ZNRF1: variants seen among roughly 807,000 people sequenced by gnomAD.
ZNRF1 encodes E3 ubiquitin-protein ligase ZNRF1.
ZNRF1 carries 3 observed loss-of-function variants against 18.4 expected under a neutral mutation model. The ratio of observed to expected loss-of-function variants is 0.16; its 90% CI spans 0.07 to 0.42. ZNRF1 has a LOEUF of 0.42. Ranked by LOEUF, ZNRF1 falls within the 10% of genes least tolerant of loss-of-function variation. The pLI is 0.99. For synonymous variants in ZNRF1, 157 were observed against 144.2 expected, an observed-to-expected ratio of 1.09 and a Z score of -0.64; for missense variants, 310 against 329.8, an observed-to-expected ratio of 0.94 and a Z score of 0.47.
In ZNRF1 at chr16:75,110,416, G is replaced by C. The variant is rs138197750; in HGVS notation, c.*2716G>C. 3.6e-3 allele frequency: 556 copies of C among 152,344 alleles called. 6 individuals carry two copies. The highest frequency in any genetic ancestry group is 0.013 in the African/African-American group (526 of 41,570). 9.4% of individuals were successfully genotyped at this position (152,344 alleles called of 1,614,324 possible). ...CCTAGCACACTTTGATGAGGTTCCT[G>C]GACGTGAGACCCTCACAAAGACCAA... On this transcript the variant is annotated 3_prime_UTR_variant, in exon 5 of 5. Transcript: ENST00000335325.
chr16:75,024,443 G>A (rs1474879263), intron 1 of ZNRF1, among the ~76,000 whole-genome samples: 1 of 152,190 alleles, frequency 6.6e-6, no homozygotes, highest in East Asian at 1.9e-4. Flanking sequence ...ATATACACAT[G>A]AAGAAGTACA....
At chr16:75,028,973 G>A (rs562925789) in intron 1 of ZNRF1, among the ~76,000 whole-genome samples, 46 of 151,986 alleles carry the variant, frequency 3.0e-4, no homozygotes, top group Admixed American at 1.0e-3. Flanking sequence ...CTTAGTCCTT[G>A]AACCAACTCT....
At chr16:75,081,363 A>G (rs2036010141) in intron 1 of ZNRF1, among the ~76,000 whole-genome samples, 1 of 152,174 alleles carries the variant, frequency 6.6e-6, no homozygotes, top group African/African-American at 2.4e-5. Flanking sequence ...AGGTGGAGGA[A>G]GTGACACTTT....
At chr16:75,100,937 T>C (rs754608755) in intron 2 of ZNRF1, among the ~76,000 whole-genome samples, 4 of 152,084 alleles carry the variant, frequency 2.6e-5, no homozygotes, top group Non-Finnish European at 4.4e-5. Flanking sequence ...CACAGCAAAG[T>C]TTTTATGTTT....
chr16:75,102,612 G>A (rs1227351172), intron 2 of ZNRF1, among the ~76,000 whole-genome samples: 1 of 152,012 alleles, frequency 6.6e-6, no homozygotes, highest in Non-Finnish European at 1.5e-5. Context: ...TATTCATGTC[G>A]GCCTGGGTTT....
intron 1 of ZNRF1, among the ~76,000 whole-genome samples, chr16:75,063,232 G>A (rs1567483280): frequency 6.6e-6 from 1 of 152,182 alleles, no homozygotes; most frequent in African/African-American, 2.4e-5. Flanking sequence ...AGCAAGCTGG[G>A]CGCTCACAGC....
chr16:75,045,759 A>G (rs1290502605), intron 1 of ZNRF1, among the ~76,000 whole-genome samples: 1 of 144,344 alleles, frequency 6.9e-6, no homozygotes, highest in East Asian at 2.0e-4. Context: ...TAATTCACCC[A>G]GGCTGGAGTG....
chr16:75,096,874 C>T (rs892336892), intron 2 of ZNRF1, among the ~76,000 whole-genome samples: 12 of 152,032 alleles, frequency 7.9e-5, no homozygotes, highest in African/African-American at 7.2e-5. Flanking sequence ...TTAGGAAAGG[C>T]GAGACTAGTT....
Position 75,057,050 on chromosome 16 carries a change from A to T in ZNRF1, c.425-36522A>T, listed in dbSNP as rs539361226. ...ATTACAGATTTAGAGTCTTGTTTTG[A>T]TGGACATTTCTCCATACAGAGTACC... On this transcript the variant is annotated intron_variant, in intron 1 of 4. Coordinates refer to ENST00000335325, the MANE Select transcript of ZNRF1 (RefSeq NM_032268.5). Among the ~76,000 whole-genome samples the T allele has an allele frequency of 7.2e-4, 110 of 152,222 alleles. 2 individuals are homozygous for T. The South Asian group carries it at 8.7e-3, about 12-fold the overall frequency.
At chr16:75,032,273 C>A (rs1287852695) in intron 1 of ZNRF1, among the ~76,000 whole-genome samples, 1 of 147,440 alleles carries the variant, frequency 6.8e-6, no homozygotes, top group Non-Finnish European at 1.5e-5. Flanking sequence ...TCCTGCCTGG[C>A]TAAGTTTTGT....
chr16:75,071,164 A>G (rs1172818407), intron 1 of ZNRF1, among the ~76,000 whole-genome samples: 1 of 151,252 alleles, frequency 6.6e-6, no homozygotes, highest in Non-Finnish European at 1.5e-5. Flanking sequence ...CAGTGGTGCA[A>G]TCTTGGCTCA....
intron 1 of ZNRF1, among the ~76,000 whole-genome samples, chr16:75,007,531 A>T (rs541480691): frequency 6.6e-5 from 10 of 152,314 alleles, no homozygotes; most frequent in African/African-American, 2.4e-4. Flanking sequence ...GCATGATAAG[A>T]ATTTATAGTG....
chr16:75,018,132 G>GT (rs2035095048), intron 1 of ZNRF1, among the ~76,000 whole-genome samples: 1 of 152,232 alleles, frequency 6.6e-6, no homozygotes, highest in African/African-American at 2.4e-5. Flanking sequence ...CCAGCAGGTA[G>GT]TAAGTGATCA....
At chr16:75,035,549 G>T (rs1763459690) in intron 1 of ZNRF1, among the ~76,000 whole-genome samples, 1 of 152,166 alleles carries the variant, frequency 6.6e-6, no homozygotes, top group Non-Finnish European at 1.5e-5. Flanking sequence ...AAATTTTAGA[G>T]CAGGAGTGAA....
In ZNRF1 at chr16:75,108,488, A is replaced by G; in HGVS notation, c.*788A>G. On this transcript the variant is annotated 3_prime_UTR_variant, in exon 5 of 5. Coordinates refer to ENST00000335325, the MANE Select transcript of ZNRF1 (RefSeq NM_032268.5). ...TAAACAAAAAAAGACTTACTAAGAA[A>G]TATGTACAGCTACCCCTGTTTTCAG... 2.5e-6 allele frequency: 1 copy of G among 398,712 alleles called. No homozygotes were observed. Among genetic ancestry groups the G allele is most frequent in the Non-Finnish European group, 4.4e-6 (1 of 226,020 alleles). 24.7% of individuals were successfully genotyped at this position (398,712 alleles called of 1,614,324 possible). A position where few individuals can be genotyped will look rare whatever the true frequency, so the allele number is the denominator to read the frequency against.
chr16:75,018,514 A>G (rs906967863), intron 1 of ZNRF1, among the ~76,000 whole-genome samples: 4 of 151,990 alleles, frequency 2.6e-5, no homozygotes, highest in African/African-American at 9.7e-5. Flanking sequence ...CTTTTTTTTA[A>G]AGGGAATGTT....
intron 1 of ZNRF1, among the ~76,000 whole-genome samples, chr16:75,054,090 C>T (rs1161537115): frequency 6.6e-6 from 1 of 152,200 alleles, no homozygotes; most frequent in Non-Finnish European, 1.5e-5. Flanking sequence ...CCCCAAGGCC[C>T]TAAGCAAGGA....
intron 1 of ZNRF1, among the ~76,000 whole-genome samples, chr16:75,049,147 G>C (rs945031773): frequency 6.6e-6 from 1 of 151,814 alleles, no homozygotes; most frequent in Non-Finnish European, 1.5e-5. Flanking sequence ...TGGGACTACA[G>C]GTGTGCACCA....
In ZNRF1 at chr16:74,999,287, C is replaced by T. The variant is rs1483672662; in HGVS notation, c.-385C>T. 6.7e-6 allele frequency: 1 copy of T among 148,454 alleles called. No homozygotes were observed. The highest frequency in any genetic ancestry group is 1.5e-5 in the Non-Finnish European group (1 of 66,706). The allele number at this position is 148,454 out of a possible 1,614,324, so 9.2% of individuals were successfully genotyped here. A position where few individuals can be genotyped will look rare whatever the true frequency, so the allele number is the denominator to read the frequency against. On this transcript the variant is annotated 5_prime_UTR_variant, in exon 1 of 5. Transcript: ENST00000335325. ...CCGCCTCCTCCCGCGGGGCGGGCGG[C>T]CTCCTCCGGCGCCTCCCCGCGCCCG...
Sources: allele counts gnomAD v4.1 joint callset (sites outside exome capture counted in the v4.1 genomes callset), GRCh38; gene constraint gnomAD v4.1.1; transcripts MANE v1.5; gene names NCBI Gene and HGNC (gene_info 2026-07-23, HGNC 2026-07-21).